Variants in B3GALT1 observed in about 807,000 individuals in gnomAD.
The protein encoded by B3GALT1 is UDP-Gal:betaGlcNAc beta 1,3-galactosyltransferase, polypeptide 1.
B3GALT1 carries 10 observed loss-of-function variants against 23.2 expected under a neutral mutation model. That is an observed-to-expected ratio of 0.43 (90% CI 0.27 to 0.73). B3GALT1 has a LOEUF of 0.73. B3GALT1 is among the 30% of genes least tolerant of loss of function. The pLI, the probability that B3GALT1 is intolerant of heterozygous loss-of-function variation, is 0.21. For synonymous variants in B3GALT1, 156 were observed against 141.5 expected (o/e 1.10, Z -0.73); for missense variants, 299 against 405.4 (o/e 0.74, Z 2.25).
intron 2 of B3GALT1, among the ~76,000 whole-genome samples, chr2:167,522,207 AGTGTCGAG>A (rs1236123769): frequency 6.6e-6 from 1 of 151,922 alleles, no homozygotes; most frequent in Non-Finnish European, 1.5e-5. Context: ...TCGTTAATAA[AGTGTCGAG>A]TCATTACTCA....
At chr2:167,394,689 C>T (rs930350227) in intron 1 of B3GALT1, among the ~76,000 whole-genome samples, 1 of 152,158 alleles carries the variant, frequency 6.6e-6, no homozygotes, top group Non-Finnish European at 1.5e-5. Flanking sequence ...CCCTGAGGCA[C>T]ACTCCACTCA....
At chr2:167,575,614 A>G (rs1199114115) in intron 2 of B3GALT1, among the ~76,000 whole-genome samples, 1 of 151,792 alleles carries the variant, frequency 6.6e-6, no homozygotes, top group Non-Finnish European at 1.5e-5. Flanking sequence ...ACACATCTCT[A>G]TCTTGTGTCT....
At chr2:167,666,054 TA>T (rs1686176576) in intron 3 of B3GALT1, among the ~76,000 whole-genome samples, 1 of 152,220 alleles carries the variant, frequency 6.6e-6, no homozygotes, top group Admixed American at 6.5e-5. Context: ...ATTGTGATGT[TA>T]GGATATTTCC....
At chr2:167,725,549 T>C (rs752701589) in intron 3 of B3GALT1, among the ~76,000 whole-genome samples, 9 of 152,210 alleles carry the variant, frequency 5.9e-5, no homozygotes, top group Non-Finnish European at 1.2e-4. Context: ...CTTCAGTTTT[T>C]AGAAAACAGA....
At chr2:167,847,511 A>T (rs1428669685) in intron 4 of B3GALT1, among the ~76,000 whole-genome samples, 1 of 152,216 alleles carries the variant, frequency 6.6e-6, no homozygotes, top group African/African-American at 2.4e-5. Context: ...TGAAATCAAG[A>T]CAGAAATTTA....
At chr2:167,674,324 A>G (rs1686386331) in intron 3 of B3GALT1, among the ~76,000 whole-genome samples, 1 of 152,108 alleles carries the variant, frequency 6.6e-6, no homozygotes, top group Non-Finnish European at 1.5e-5. Context: ...CTTTGTCTCC[A>G]TCTCTCCCTG....
In B3GALT1 at chr2:167,636,019, G is replaced by T. The variant is rs535988637; in HGVS notation, c.-409-10890G>T. 3.3e-5 allele frequency among the ~76,000 whole-genome samples: 5 copies of T among 151,948 alleles called. 1 individual carries two copies. The South Asian group carries it at 1.0e-3, about 32-fold the overall frequency. On this transcript the variant is annotated intron_variant, in intron 2 of 4. Coordinates refer to ENST00000392690, the MANE Select transcript of B3GALT1 (RefSeq NM_020981.4). ...TGTAGACCAATGGAACAGAACAGAG[G>T]CTTCAGAAATAATGCCACCCATCTA... is the stretch of plus-strand genomic sequence containing the variant.
intron 3 of B3GALT1, among the ~76,000 whole-genome samples, chr2:167,796,911 G>A (rs543224408): frequency 4.5e-4 from 69 of 152,300 alleles, no homozygotes; most frequent in South Asian, 1.0e-3. Flanking sequence ...CTCCAGTGAG[G>A]CTAGGTTGAT....
intron 3 of B3GALT1, among the ~76,000 whole-genome samples, chr2:167,653,525 C>A (rs904742009): frequency 6.6e-6 from 1 of 152,118 alleles, no homozygotes; most frequent in Admixed American, 6.6e-5. Context: ...GAAAGAGCAG[C>A]AATATCTCTC....
chr2:167,528,066 G>A (rs1369975832), intron 2 of B3GALT1, among the ~76,000 whole-genome samples: 1 of 152,122 alleles, frequency 6.6e-6, no homozygotes, highest in East Asian at 1.9e-4. Flanking sequence ...CAAGAGATGG[G>A]CCATACATTT....
chr2:167,733,902 T>A (rs1435838524), intron 3 of B3GALT1, among the ~76,000 whole-genome samples: 39 of 152,108 alleles, frequency 2.6e-4, no homozygotes, highest in Non-Finnish European at 1.0e-4. Flanking sequence ...AATAACATGG[T>A]GATGTTATGA....
chr2:167,806,173 G>A (rs1558985187), intron 3 of B3GALT1, among the ~76,000 whole-genome samples: 1 of 152,148 alleles, frequency 6.6e-6, no homozygotes, highest in East Asian at 1.9e-4. Context: ...TTTGTACATT[G>A]ATTTTGTATC....
At chr2:167,769,319 A>T (rs1173456082) in intron 3 of B3GALT1, among the ~76,000 whole-genome samples, 1 of 152,084 alleles carries the variant, frequency 6.6e-6, no homozygotes. Context: ...AACACCTTCC[A>T]TGCTTCACCA....
chr2:167,732,413 A>C (rs910996421), intron 3 of B3GALT1, among the ~76,000 whole-genome samples: 13 of 152,356 alleles, frequency 8.5e-5, no homozygotes, highest in Non-Finnish European at 1.6e-4. Context: ...AGACAATTAC[A>C]TTTTTAAACC....
At chr2:167,772,607 A>G (rs1217731197) in intron 3 of B3GALT1, among the ~76,000 whole-genome samples, 1 of 152,216 alleles carries the variant, frequency 6.6e-6, no homozygotes, top group Non-Finnish European at 1.5e-5. Context: ...AGACTTGGTG[A>G]ATCAGTAATG....
At chr2:167,391,687 A>C (rs186271596) in intron 1 of B3GALT1, among the ~76,000 whole-genome samples, 1 of 152,084 alleles carries the variant, frequency 6.6e-6, no homozygotes, top group Non-Finnish European at 1.5e-5. Flanking sequence ...CTGTCTTTAC[A>C]TTTTTTGTTG....
At chr2:167,819,536 G>A (rs1689063456) in intron 4 of B3GALT1, among the ~76,000 whole-genome samples, 1 of 152,168 alleles carries the variant, frequency 6.6e-6, no homozygotes, top group African/African-American at 2.4e-5. Context: ...GAAGCACCAT[G>A]CTGGCAAGAG....
At chr2:167,350,071 G>A (rs1051296117) in intron 1 of B3GALT1, among the ~76,000 whole-genome samples, 3 of 152,112 alleles carry the variant, frequency 2.0e-5, no homozygotes, top group African/African-American at 4.8e-5. Context: ...GGACTAATAA[G>A]CATTTTCATG....
intron 3 of B3GALT1, among the ~76,000 whole-genome samples, chr2:167,664,246 A>G (rs1235004525): frequency 6.6e-6 from 1 of 150,946 alleles, no homozygotes; most frequent in African/African-American, 2.5e-5. Flanking sequence ...TGTTTTTCTC[A>G]GGTTTGTCAA....
Sources: gnomAD v4.1 joint callset for allele counts (sites outside exome capture counted in the v4.1 genomes callset) on GRCh38, gnomAD v4.1.1 for gene constraint, MANE v1.5 for transcripts, NCBI Gene and HGNC (gene_info 2026-07-23, HGNC 2026-07-21) for gene names.